The following NEBL variants were observed in gnomAD, a reference collection of about 807,000 sequenced individuals.
The protein encoded by NEBL is nebulette, also known as LIM and SH3 protein 2.
Under a neutral mutation model 140.2 loss-of-function variants are expected in NEBL, and 122 were observed. The ratio of observed to expected loss-of-function variants is 0.87; its 90% confidence interval spans 0.75 to 1.01. NEBL has a LOEUF of 1.01. Among genes scored for constraint, NEBL ranks in the 50% least tolerant of loss-of-function variants. The pLI, the probability that NEBL is intolerant of heterozygous loss-of-function variation, is 0.00. For synonymous variants in NEBL, 436 were observed against 398.9 expected (o/e 1.09, Z -1.11); for missense variants, 1,365 against 1,231.3 (o/e 1.11, Z -1.62).
At chr10:20,831,935 T>C (rs1284640319) in intron 14 of NEBL, among the ~76,000 whole-genome samples, 1 of 152,210 alleles carries the variant, frequency 6.6e-6, no homozygotes, top group East Asian at 1.9e-4. Context: ...ATTGCTGTTT[T>C]TCACTCTGTA....
At chr10:21,241,188 C>T (rs943525749) in intron 3 of NEBL, among the ~76,000 whole-genome samples, 5 of 151,558 alleles carry the variant, frequency 3.3e-5, no homozygotes, top group African/African-American at 7.3e-5. Flanking sequence ...TTATATCTCT[C>T]GAACATGGAA....
At chr10:21,174,100 C>A (rs1043773321) in exon 1 of NEBL, 2 of 941,220 alleles carry the variant, frequency 2.1e-6, no homozygotes, top group Non-Finnish European at 2.6e-6. Flanking sequence ...GCGTCGCTCG[C>A]ACTCCAGGTA....
In NEBL at chr10:20,867,820, T is replaced by C. The variant is rs912960894; in HGVS notation, c.684+844A>G. On this transcript the variant is annotated intron_variant, in intron 7 of 27. Transcript: ENST00000377122. ...GACTTGAATCGACACTTTTATCATA[T>C]ATTAAATTCTTATACATACTGGAAT... 7 of 152,086 alleles carry C rather than the reference T, an allele frequency of 4.6e-5. No individual in the cohort carries two copies. The South Asian group carries it at 6.2e-4, about 13-fold the overall frequency. 9.4% of individuals were successfully genotyped at this position (152,086 alleles called of 1,614,324 possible). A position where few individuals can be genotyped will look rare whatever the true frequency, so the allele number is the denominator to read the frequency against.
chr10:21,287,279 T>G (rs968292127), intron 1 of NEBL, among the ~76,000 whole-genome samples: 1 of 152,148 alleles, frequency 6.6e-6, no homozygotes, highest in African/African-American at 2.4e-5. Context: ...TTCATGCCTG[T>G]GATCCCAGAA....
chr10:20,967,082 A>G (rs561141376), intron 3 of NEBL, among the ~76,000 whole-genome samples: 33 of 150,910 alleles, frequency 2.2e-4, no homozygotes, highest in Non-Finnish European at 4.3e-4. Context: ...GGCACATCCT[A>G]CAGCTCACCA....
At chr10:21,124,552 C>A (rs765062144) in intron 2 of NEBL, among the ~76,000 whole-genome samples, 2 of 152,160 alleles carry the variant, frequency 1.3e-5, no homozygotes, top group Non-Finnish European at 2.9e-5. Flanking sequence ...ACAAGTTAAG[C>A]AGAACCCACC....
At chr10:21,039,924 G>A (rs1834192807) in intron 2 of NEBL, among the ~76,000 whole-genome samples, 1 of 152,194 alleles carries the variant, frequency 6.6e-6, no homozygotes. Context: ...AGAATGGGAG[G>A]ATGCAGTAGA....
Position 20,906,269 on chromosome 10 carries a change from C to T in NEBL, c.357+55403G>A, listed in dbSNP as rs565886736. ...TTACTAAACAAGTGATGTCAATGTT[C>T]CTTCTCAAACCTTAAGCATCAAGTT... On this transcript the variant is annotated intron_variant, in intron 4 of 6. Transcript: ENST00000417816. 3.9e-5 allele frequency among the ~76,000 whole-genome samples: 6 copies of T among 152,180 alleles called. No individual in the cohort carries two copies. In the East Asian group the frequency reaches 9.7e-4, roughly 25 times the overall value.
intron 2 of NEBL, among the ~76,000 whole-genome samples, chr10:21,160,988 G>A (rs1237743586): frequency 6.6e-6 from 1 of 151,876 alleles, no homozygotes; most frequent in Non-Finnish European, 1.5e-5. Context: ...AACTACCTTT[G>A]TAGACATTAT....
intron 2 of NEBL, chr10:21,030,167 T>C: frequency 2.1e-6 from 1 of 483,040 alleles, no homozygotes; most frequent in Non-Finnish European, 4.0e-6. Context: ...ACAAGATAAG[T>C]TGCAGCATCA....
intron 4 of NEBL, among the ~76,000 whole-genome samples, chr10:20,958,178 T>G (rs1347991380): frequency 6.6e-6 from 1 of 152,232 alleles, no homozygotes; most frequent in African/African-American, 2.4e-5. Flanking sequence ...TTCATTTTTT[T>G]TAATGCCCTT....
At chr10:21,207,010 A>G (rs1328674542) in intron 3 of NEBL, among the ~76,000 whole-genome samples, 2 of 111,916 alleles carry the variant, frequency 1.8e-5, no homozygotes, top group East Asian at 4.9e-4. Flanking sequence ...GTCTTGCTCT[A>G]TAGCCCAGGC....
At chr10:20,945,571 G>A (rs745584581) in intron 4 of NEBL, among the ~76,000 whole-genome samples, 2 of 152,144 alleles carry the variant, frequency 1.3e-5, no homozygotes, top group Non-Finnish European at 2.9e-5. Flanking sequence ...AGCACATAAA[G>A]GAACATCTGA....
At chr10:21,079,792 G>A (rs2131931616) in intron 2 of NEBL, among the ~76,000 whole-genome samples, 1 of 152,276 alleles carries the variant, frequency 6.6e-6, no homozygotes, top group South Asian at 2.1e-4. Context: ...TTTGGAGGAA[G>A]GACGTGCACA....
intron 2 of NEBL, among the ~76,000 whole-genome samples, chr10:21,070,939 G>A (rs1406402982): frequency 6.6e-6 from 1 of 152,130 alleles, no homozygotes; most frequent in East Asian, 1.9e-4. Context: ...CACTTTGGGA[G>A]ACTGAGGTGG....
chr10:21,258,065 G>C (rs1351034276), intron 1 of NEBL, among the ~76,000 whole-genome samples: 1 of 152,186 alleles, frequency 6.6e-6, no homozygotes, highest in Non-Finnish European at 1.5e-5. Context: ...CGGGAAACAG[G>C]AGTGAGAAAG....
chr10:21,230,604 CTT>C (rs1157514424), intron 3 of NEBL, among the ~76,000 whole-genome samples: 61 of 125,382 alleles, frequency 4.9e-4, no homozygotes, highest in Admixed American at 5.6e-4. Flanking sequence ...AACTGGAAAC[CTT>C]TTTTTTTTTT....
At chr10:20,938,112 T>C (rs1834606463) in intron 4 of NEBL, among the ~76,000 whole-genome samples, 1 of 152,172 alleles carries the variant, frequency 6.6e-6, no homozygotes, top group African/African-American at 2.4e-5. Flanking sequence ...AGCACACAGC[T>C]GGAGATCTGA....
At chr10:20,892,585 C>T (rs1847119927) in intron 2 of NEBL, among the ~76,000 whole-genome samples, 1 of 152,080 alleles carries the variant, frequency 6.6e-6, no homozygotes, top group African/African-American at 2.4e-5. Flanking sequence ...AACCCAACAC[C>T]AAAAGACAAA....
Sources: allele counts gnomAD v4.1 joint callset (sites outside exome capture counted in the v4.1 genomes callset), GRCh38; gene constraint gnomAD v4.1.1; transcripts MANE v1.5; gene names NCBI Gene and HGNC (gene_info 2026-07-23, HGNC 2026-07-21).